CRB1: variants seen among roughly 807,000 people sequenced by gnomAD.
The protein encoded by CRB1 is crumbs cell polarity complex component 1, also known as protein crumbs homolog 1.
In CRB1, 83 loss-of-function variants were observed where a neutral mutation model predicts 120.0. That is an observed-to-expected ratio of 0.69 (90% confidence interval 0.58 to 0.83). CRB1 has a LOEUF of 0.83. Ranked by LOEUF, CRB1 falls within the 40% of genes least tolerant of loss-of-function variation. CRB1 has a pLI of 0.00. For missense variants in CRB1, 1,699 were observed against 1,687.6 expected, an observed-to-expected ratio of 1.01 and a Z score of -0.12; for synonymous variants, 625 against 612.5, an observed-to-expected ratio of 1.02 and a Z score of -0.30.
At chr1:197,447,006 ATTAT>A (rs1355717469) in intron 11 of CRB1, among the ~76,000 whole-genome samples, 6 of 152,210 alleles carry the variant, frequency 3.9e-5, no homozygotes, top group Admixed American at 3.9e-4. Context: ...ATCCATTTGT[ATTAT>A]TTATTTATTG....
At chr1:197,217,103 T>C in the CRB1 span, among the ~76,000 whole-genome samples, 960 of 152,156 alleles carry the variant, frequency 6.3e-3, 14 homozygotes, top group African/African-American at 0.022. Flanking sequence ...TCCAAAGACA[T>C]ATGAATGCCA....
chr1:197,202,560 A>C, the CRB1 span, among the ~76,000 whole-genome samples: 4 of 152,250 alleles, frequency 2.6e-5, no homozygotes, highest in African/African-American at 9.6e-5. Context: ...TTAGAAGTGA[A>C]AGCTATCATT....
intron 1 of CRB1, among the ~76,000 whole-genome samples, chr1:197,315,351 A>T (rs1657777229): frequency 6.6e-6 from 1 of 152,218 alleles, no homozygotes; most frequent in Admixed American, 6.5e-5. Flanking sequence ...ACTATTTATT[A>T]TCTCATCATA....
chr1:197,464,768 G>A (rs1666682286), intron 11 of CRB1, among the ~76,000 whole-genome samples: 1 of 152,124 alleles, frequency 6.6e-6, no homozygotes, highest in Non-Finnish European at 1.5e-5. Context: ...TATTTTGAGA[G>A]TATGAATAGC....
At chr1:197,303,038 A>G (rs1055737524) in intron 1 of CRB1, among the ~76,000 whole-genome samples, 10 of 152,114 alleles carry the variant, frequency 6.6e-5, no homozygotes, top group African/African-American at 1.9e-4. Flanking sequence ...GTTTCCAGCC[A>G]TTCTACTTTT....
At chr1:197,322,082 G>A (rs953963069) in intron 1 of CRB1, among the ~76,000 whole-genome samples, 2 of 152,136 alleles carry the variant, frequency 1.3e-5, no homozygotes, top group African/African-American at 4.8e-5. Context: ...ATCACATATG[G>A]CTTTTGAGCA....
In CRB1 at chr1:197,292,724, G is replaced by A. The variant is rs146022780; in HGVS notation, c.70+24242G>A. On this transcript the variant is annotated intron_variant, in intron 1 of 11. Coordinates refer to ENST00000367400, the MANE Select transcript of CRB1 (RefSeq NM_201253.3). The stretch of plus-strand genomic sequence containing the variant: ...AAGCTTATCCACCATGATCAAGTGG[G>A]CTTCATCCCTGGGATACAAGGCTGG... Among the ~76,000 whole-genome samples the A allele has an allele frequency of 7.6e-4, 116 of 152,208 alleles. 2 individuals carry two copies. In the East Asian group the frequency reaches 0.022, roughly 29 times the overall value.
chr1:197,225,208 C>G, the CRB1 span, among the ~76,000 whole-genome samples: 1 of 151,906 alleles, frequency 6.6e-6, no homozygotes, highest in Non-Finnish European at 1.5e-5. Context: ...GATTTAATCA[C>G]TATTCTACAG....
chr1:197,201,961 A>G, the CRB1 span, among the ~76,000 whole-genome samples: 1 of 152,216 alleles, frequency 6.6e-6, no homozygotes, highest in African/African-American at 2.4e-5. Context: ...AAAATCCACA[A>G]GGACAACTTT....
At chr1:197,419,605 C>T (rs1664182310) in intron 5 of CRB1, among the ~76,000 whole-genome samples, 1 of 152,028 alleles carries the variant, frequency 6.6e-6, no homozygotes, top group African/African-American at 2.4e-5. Flanking sequence ...TTAAGCAATC[C>T]ACCCAGCTAG....
intron 1 of CRB1, among the ~76,000 whole-genome samples, chr1:197,322,532 A>G (rs1658262774): frequency 6.6e-6 from 1 of 151,792 alleles, no homozygotes; most frequent in Non-Finnish European, 1.5e-5. Flanking sequence ...CTTTATCTAT[A>G]TTTGGTTAAA....
intron 2 of CRB1, among the ~76,000 whole-genome samples, chr1:197,340,968 C>T (rs760767466): frequency 1.3e-4 from 20 of 152,196 alleles, no homozygotes; most frequent in East Asian, 5.8e-4. Flanking sequence ...GAACAAGTTG[C>T]GTCTTACATG....
At chr1:197,355,606 G>C (rs987534623) in intron 4 of CRB1, among the ~76,000 whole-genome samples, 2 of 152,190 alleles carry the variant, frequency 1.3e-5, no homozygotes, top group Non-Finnish European at 2.9e-5. Context: ...ACTGCTGGGG[G>C]CTCCTGCGTA....
At chr1:197,238,081 T>G in the CRB1 span, among the ~76,000 whole-genome samples, 2 of 152,162 alleles carry the variant, frequency 1.3e-5, no homozygotes, top group African/African-American at 2.4e-5. Context: ...TTTTAAAAAT[T>G]TTTGAGACTT....
In CRB1 at chr1:197,344,433, C is replaced by A. The variant is rs753224594; in HGVS notation, c.805C>A (p.Gln269Lys). 3 of 1,614,042 alleles carry A rather than the reference C, an allele frequency of 1.9e-6. No homozygotes were observed. The South Asian group carries it at 3.3e-5, about 18-fold the overall frequency. The change falls in exon 3 of 12, where the codon CAA becomes AAA. Residue 269 changes from glutamine to lysine, a missense_variant. Gln to Lys is a moderately conservative substitution (Grantham distance 53). Coordinates refer to ENST00000367400, the MANE Select transcript of CRB1 (RefSeq NM_201253.3). ...CELNTDECAS[Q>K]PCLHGGLCVD... The stretch of plus-strand genomic sequence containing the variant: ...ACTCAACACTGATGAGTGTGCCAGT[C>A]AACCTTGTCTCCATGGAGGGCTGTG...
chr1:197,292,151 C>T (rs989870201), intron 1 of CRB1, among the ~76,000 whole-genome samples: 2 of 151,830 alleles, frequency 1.3e-5, no homozygotes, highest in Non-Finnish European at 2.9e-5. Flanking sequence ...AAAAGATCAA[C>T]AAAATTGATA....
chr1:197,212,066 C>A, the CRB1 span, among the ~76,000 whole-genome samples: 1 of 152,096 alleles, frequency 6.6e-6, no homozygotes, highest in African/African-American at 2.4e-5. Flanking sequence ...CAAATTAAAA[C>A]CACAATGAGA....
the CRB1 span, among the ~76,000 whole-genome samples, chr1:197,257,143 C>T: frequency 1.3e-5 from 2 of 151,830 alleles, no homozygotes; most frequent in Non-Finnish European, 2.9e-5. Context: ...TGGGGGGTGC[C>T]GCCGGAGTAA....
At chr1:197,476,443 C>T (rs1667203165) in intron 11 of CRB1, among the ~76,000 whole-genome samples, 1 of 151,164 alleles carries the variant, frequency 6.6e-6, no homozygotes, top group Admixed American at 6.6e-5. Context: ...GCTCCAGATT[C>T]CAAACTTTTA....
Sources: gnomAD v4.1 joint callset for allele counts (sites outside exome capture counted in the v4.1 genomes callset) on GRCh38, gnomAD v4.1.1 for gene constraint, MANE v1.5 for transcripts, NCBI Gene and HGNC (gene_info 2026-07-23, HGNC 2026-07-21) for gene names.